The following DRC7 variants were observed in gnomAD, a reference collection of about 807,000 sequenced individuals.
DRC7 encodes the protein dynein regulatory complex subunit 7.
A neutral mutation model predicts 104.4 loss-of-function variants in DRC7; 80 were observed. The ratio of observed to expected loss-of-function variants is 0.77; its 90% CI spans 0.64 to 0.92. DRC7 has a LOEUF of 0.92. DRC7 is among the 40% of genes least tolerant of loss of function. The probability of loss-of-function intolerance (pLI) is 0.00; values close to 1 mark genes in which losing one functional copy is unlikely to be tolerated. For missense variants in DRC7, 1,034 were observed against 1,141.1 expected, an observed-to-expected ratio of 0.91 and a Z score of 1.35; for synonymous variants, 405 against 447.3, an observed-to-expected ratio of 0.91 and a Z score of 1.19.
rs776137131 is a variant in DRC7, at chr16:57,700,132, T to G, written c.379-13T>G. On this transcript the variant is annotated splice_polypyrimidine_tract_variant and intron_variant, in intron 4 of 18. Transcript: ENST00000360716. ...TTGCCTTGACCCCACTGGCACCATC[T>G]CTCTCCTTGCAGAAGTTCGTGAGCA... The G allele has an allele frequency of 5.0e-6, 8 of 1,612,636 alleles. No homozygotes were observed. Among genetic ancestry groups the G allele is most frequent in the African/African-American group, 2.7e-5 (2 of 74,872 alleles).
At chr16:57,722,580 C>T in intron 10 of DRC7, 133 bp from the exon 11 acceptor site, 1 of 1,255,466 alleles carries the variant, frequency 8.0e-7, no homozygotes, top group Middle Eastern at 2.1e-4. Context: ...TCCTCGGCCT[C>T]CCTGGATCAG....
chr16:57,704,939 T>G lies in DRC7; in HGVS notation c.763T>G (p.Cys255Gly). The G allele has an allele frequency of 6.2e-7, 1 of 1,613,798 alleles. No homozygotes were observed. The highest frequency in any genetic ancestry group is 8.5e-7 in the Non-Finnish European group (1 of 1,179,936). The change falls in exon 7 of 19, where the codon TGC (cysteine) becomes GGC (glycine). Residue 255 changes from cysteine (C) to glycine (G), a missense_variant. Coordinates refer to ENST00000360716, the MANE Select transcript of DRC7 (RefSeq NM_001289162.2). ...KYTIKPPRDL[C>G]SRFEQEQEVK... ...TACCATCAAACCCCCCAGGGACCTG[T>G]GCAGCAGGTTTGAGCAGGAGCAAGA...
rs771972834 is a variant in DRC7, at chr16:57,726,226, G to C, written c.1917G>C (p.Glu639Asp). The part of the protein sequence containing the change: ...ASKREFLRRT[E>D]VDSKGNKIIM... Reference sequence around the variant, plus strand: ...AGCGCGAGTTCCTGCGGCGCACCGAGGTGGACAGCAAAGGCAACAAGATCA... The same window carrying C: ...AGCGCGAGTTCCTGCGGCGCACCGACGTGGACAGCAAAGGCAACAAGATCA... The change falls in exon 14 of 19, where the codon GAG becomes GAC. Residue 639 changes from glutamate (E) to aspartate (D), a missense_variant. Coordinates refer to ENST00000360716, the MANE Select transcript of DRC7 (RefSeq NM_001289162.2). 2 of 1,613,144 alleles carry C rather than the reference G, an allele frequency of 1.2e-6. No individual in the cohort carries two copies. Among genetic ancestry groups the C allele is most frequent in the Non-Finnish European group, 1.7e-6 (2 of 1,179,952 alleles).
chr16:57,695,848 C>T (rs549099359), intron 1 of DRC7, among the ~76,000 whole-genome samples: 1 of 152,324 alleles, frequency 6.6e-6, no homozygotes, highest in African/African-American at 2.4e-5. Context: ...GCCAGGGTTT[C>T]CCCAACCAGG....
chr16:57,726,405 C>A, intron 14 of DRC7, 122 bp downstream of exon 14: 1 of 820,146 alleles, frequency 1.2e-6, no homozygotes, highest in Non-Finnish European at 1.9e-6. Context: ...GGAAATTCAT[C>A]TTTGCTCTTT....
At chr16:57,697,847 G>A in intron 2 of DRC7, 66 bp from the exon 3 acceptor site, 1 of 1,517,654 alleles carries the variant, frequency 6.6e-7, no homozygotes, top group Non-Finnish European at 8.8e-7. Flanking sequence ...GGGATGCCCA[G>A]ATGGTGTTGG....
chr16:57,696,123 C>T (rs576194998), intron 1 of DRC7, among the ~76,000 whole-genome samples: 2 of 152,280 alleles, frequency 1.3e-5, no homozygotes, highest in East Asian at 1.9e-4. Context: ...AACAGATGTT[C>T]GAGGACAGAA....
At position 57,718,200 on chromosome 16, in the gene DRC7, C is replaced by A; in HGVS notation, c.1078-147C>A. 17 of 982,388 alleles carry A rather than the reference C, an allele frequency of 1.7e-5. No homozygotes were observed. The South Asian group carries it at 2.4e-4, about 14-fold the overall frequency. The allele number at this position is 982,388 out of a possible 1,614,324, so 60.9% of individuals were successfully genotyped here. ...GGAGTGTGGGCATGGACTCTCAGAG[C>A]CACCTGGGACTGACGTTCTGCTTCC... On this transcript the variant is annotated intron_variant, in intron 8 of 18. Transcript: ENST00000360716.
chr16:57,708,835 C>T (rs2048761443), intron 8 of DRC7, among the ~76,000 whole-genome samples: 1 of 152,122 alleles, frequency 6.6e-6, no homozygotes. Context: ...TTATTTAATG[C>T]AATTGATTTT....
intron 9 of DRC7, among the ~76,000 whole-genome samples, chr16:57,720,447 G>T (rs1450584524): frequency 4.6e-5 from 7 of 152,246 alleles, no homozygotes; most frequent in Admixed American, 2.6e-4. Context: ...GGTGCCCCCT[G>T]CTGGCCTTGG....
intron 8 of DRC7, chr16:57,714,121 G>A (rs544194826): frequency 3.4e-5 from 6 of 174,962 alleles, no homozygotes; most frequent in South Asian, 2.4e-4. Context: ...TGTTGCTACC[G>A]CCATCACACA....
intron 5 of DRC7, 40 bp from the exon 6 acceptor site, chr16:57,701,896 A>G (rs754111831): frequency 1.9e-6 from 3 of 1,568,048 alleles, no homozygotes; most frequent in South Asian, 2.3e-5. Flanking sequence ...AGGCTGGGGC[A>G]GCGGGGCCCC....
At chr16:57,725,974 C>A in intron 13 of DRC7, 94 bp from the exon 14 acceptor site, 1 of 1,070,412 alleles carries the variant, frequency 9.3e-7, no homozygotes, top group South Asian at 1.4e-5. Flanking sequence ...CTCCAGTGTC[C>A]TGAACGTTCG....
rs369052704 is a variant in DRC7 at position 57,728,417 on chromosome 16, C to T, written c.2224C>T (p.Arg742Trp). 19 of 1,605,696 alleles carry T rather than the reference C, an allele frequency of 1.2e-5. No homozygotes were observed. Among genetic ancestry groups the T allele is most frequent in the African/African-American group, 5.4e-5 (4 of 74,580 alleles). ...MERMMHEEHL[R>W]QVETQLDYLA... ...GCGCATGATGCACGAAGAGCACCTG[C>T]GGCAGGTGGAGACCCAGCTGGACTA... Residue 742 changes from arginine to tryptophan, a missense_variant, in exon 17 of 19, where the codon CGG becomes TGG. Physicochemically the swap from Arg to Trp is moderately radical, Grantham distance 101. Coordinates refer to ENST00000360716, the MANE Select transcript of DRC7 (RefSeq NM_001289162.2).
At chr16:57,708,101 T>A (rs2048752460) in intron 8 of DRC7, among the ~76,000 whole-genome samples, 1 of 152,132 alleles carries the variant, frequency 6.6e-6, no homozygotes, top group African/African-American at 2.4e-5. Flanking sequence ...TTCCTCCAAA[T>A]GTATTTTTAA....
intron 15 of DRC7, 46 bp downstream of exon 15, chr16:57,726,988 T>C (rs775400488): frequency 8.3e-7 from 1 of 1,211,934 alleles, no homozygotes; most frequent in Non-Finnish European, 1.2e-6. Context: ...ATCTTTGTTT[T>C]TGAGATAGGG....
chr16:57,706,840 C>T (rs2048738234), intron 7 of DRC7, among the ~76,000 whole-genome samples: 1 of 150,592 alleles, frequency 6.6e-6, no homozygotes, highest in Admixed American at 6.6e-5. Context: ...ATCCTCCCAT[C>T]CACCCATCCT....
chr16:57,705,086 T>C (rs1180168328), intron 7 of DRC7, 52 bp downstream of exon 7: 2 of 1,575,356 alleles, frequency 1.3e-6, no homozygotes, highest in Non-Finnish European at 1.7e-6. Flanking sequence ...AAAGGACTGC[T>C]AGGGATGGGA....
intron 10 of DRC7, 116 bp from the exon 11 acceptor site, chr16:57,722,597 G>A (rs1262013124): frequency 1.2e-5 from 17 of 1,401,098 alleles, no homozygotes; most frequent in Non-Finnish European, 1.7e-5. Context: ...TCAGGCTTGG[G>A]GCTGGAGGAG....
Sources: allele counts gnomAD v4.1 joint callset (sites outside exome capture counted in the v4.1 genomes callset), GRCh38; gene constraint gnomAD v4.1.1; transcripts MANE v1.5; gene names NCBI Gene and HGNC (gene_info 2026-07-23, HGNC 2026-07-21).